Variants in FARSB observed in about 807,000 individuals in gnomAD.
FARSB encodes phenylalanyl-tRNA synthetase subunit beta.
In FARSB, 40 loss-of-function variants were observed where a neutral mutation model predicts 69.6. The ratio of observed to expected loss-of-function variants is 0.57; its 90% CI spans 0.45 to 0.75. The LOEUF (loss-of-function observed/expected upper bound fraction) is 0.75, where lower values mean the gene tolerates loss of function less well. Ranked by LOEUF, FARSB falls within the 30% of genes least tolerant of loss-of-function variation. The pLI, the probability that FARSB is intolerant of heterozygous loss-of-function variation, is 0.00. For missense variants in FARSB, 632 were observed against 722.9 expected (o/e 0.87, Z 1.44); for synonymous variants, 235 against 247.2 (o/e 0.95, Z 0.46).
intron 14 of FARSB, among the ~76,000 whole-genome samples, chr2:222,617,938 G>C (rs1444304601): frequency 6.6e-6 from 1 of 152,102 alleles, no homozygotes; most frequent in Non-Finnish European, 1.5e-5. Flanking sequence ...AGCTAGATAA[G>C]TAAAACTGGG....
Position 222,584,576 on chromosome 2 carries a change from A to C in FARSB, c.1619-12554T>G, listed in dbSNP as rs1690058558. ...ACCCAGTAAGCACAAGGGGTCGGGG[A>C]ATTCCCTTTCCTAGCCAAGGGATGC... On this transcript the variant is annotated intron_variant, in intron 16 of 16. Coordinates refer to ENST00000281828, the MANE Select transcript of FARSB (RefSeq NM_005687.5). 2.0e-5 allele frequency among the ~76,000 whole-genome samples: 3 copies of C among 152,212 alleles called. No homozygotes were observed. The South Asian group carries it at 6.2e-4, about 32-fold the overall frequency.
intron 5 of FARSB, among the ~76,000 whole-genome samples, chr2:222,635,502 C>T (rs183189397): frequency 6.6e-5 from 10 of 152,258 alleles, no homozygotes; most frequent in Admixed American, 1.3e-4. Context: ...CATATGCTTA[C>T]AGAAGATAAT....
At chr2:222,576,700 C>T (rs1689848791) in intron 16 of FARSB, among the ~76,000 whole-genome samples, 1 of 152,066 alleles carries the variant, frequency 6.6e-6, no homozygotes, top group East Asian at 1.9e-4. Context: ...GTGTTCCATA[C>T]TGGGGTGAAA....
At chr2:222,575,977 CT>C (rs34794440) in intron 16 of FARSB, among the ~76,000 whole-genome samples, 45,927 of 142,946 alleles carry the variant, frequency 0.32, 7,187 homozygotes, top group Middle Eastern at 0.46. Context: ...TTTGCCTCAT[CT>C]TTTTTTTTTT....
At chr2:222,574,369 A>G (rs1205006390) in intron 16 of FARSB, among the ~76,000 whole-genome samples, 1 of 152,218 alleles carries the variant, frequency 6.6e-6, no homozygotes, top group Non-Finnish European at 1.5e-5. Context: ...TTTAAAACAT[A>G]TCCAAGCATA....
chr2:222,595,881 AC>A (rs1203757732), intron 16 of FARSB, among the ~76,000 whole-genome samples: 2 of 152,034 alleles, frequency 1.3e-5, no homozygotes, highest in African/African-American at 4.8e-5. Flanking sequence ...GCAACAAACC[AC>A]AAAAAATGAA....
At chr2:222,614,805 C>G (rs1690954349) in intron 14 of FARSB, among the ~76,000 whole-genome samples, 1 of 152,140 alleles carries the variant, frequency 6.6e-6, no homozygotes, top group African/African-American at 2.4e-5. Context: ...TACCACTGCT[C>G]TCCAGCCTAG....
intron 12 of FARSB, among the ~76,000 whole-genome samples, chr2:222,624,002 G>T (rs947091630): frequency 1.3e-5 from 2 of 151,836 alleles, no homozygotes; most frequent in Non-Finnish European, 1.5e-5. Flanking sequence ...CTGCCTTCAG[G>T]CCCAAGTTGA....
At chr2:222,639,747 A>G (rs766050068) in intron 4 of FARSB, 52 bp from the exon 5 acceptor site, 6 of 730,452 alleles carry the variant, frequency 8.2e-6, no homozygotes, top group Admixed American at 5.2e-5. Flanking sequence ...TTTTCTTTGT[A>G]ATATCTTGTA....
At chr2:222,591,064 G>T (rs1175056204) in intron 16 of FARSB, among the ~76,000 whole-genome samples, 1 of 151,898 alleles carries the variant, frequency 6.6e-6, no homozygotes, top group Non-Finnish European at 1.5e-5. Flanking sequence ...GAATTAGCTG[G>T]GTGTGGTAGT....
chr2:222,619,577 A>T, intron 14 of FARSB, 68 bp downstream of exon 14: 3 of 752,684 alleles, frequency 4.0e-6, no homozygotes. Context: ...ATAACTGAAG[A>T]GACTTTTCCT....
chr2:222,653,106 G>A (rs968997351), intron 1 of FARSB, among the ~76,000 whole-genome samples: 2 of 152,122 alleles, frequency 1.3e-5, no homozygotes, highest in East Asian at 3.9e-4. Context: ...GACTATAATT[G>A]AAGAGCAGTG....
At chr2:222,603,685 T>TAATTA in intron 15 of FARSB, among the ~76,000 whole-genome samples, 3 of 75,928 alleles carry the variant, frequency 4.0e-5, no homozygotes, top group Non-Finnish European at 1.2e-4. Context: ...TATTATATTA[T>TAATTA]ATATTATTAT....
rs1559185068 is a variant in FARSB at position 222,571,929 on chromosome 2, T to G, written c.1712A>C (p.Lys571Thr). 1 of 1,613,484 alleles carries G rather than the reference T, an allele frequency of 6.2e-7. No homozygotes were observed. Among genetic ancestry groups the G allele is most frequent in the Non-Finnish European group, 8.5e-7 (1 of 1,179,814 alleles). The stretch of plus-strand genomic sequence containing the variant: ...GGAGCAGGGCATGGTCAGCTCAAAT[T>G]TGGTGATAACGTCAGGATGAAGGAC... ...LGVLHPDVIT[K>T]FELTMPCSSL... Residue 571 changes from lysine to threonine, a missense_variant, in exon 17 of 17, where the codon AAA becomes ACA. Physicochemically the swap from Lys to Thr is moderately conservative, Grantham distance 78 (BLOSUM62 -1). Transcript: ENST00000281828.
chr2:222,646,829 G>A (rs1336630383), intron 2 of FARSB, among the ~76,000 whole-genome samples: 1 of 152,142 alleles, frequency 6.6e-6, no homozygotes, highest in East Asian at 1.9e-4. Flanking sequence ...TGATTTTCTG[G>A]TTTGTATAGT....
chr2:222,594,218 G>A (rs1222556978), intron 16 of FARSB, among the ~76,000 whole-genome samples: 2 of 151,572 alleles, frequency 1.3e-5, no homozygotes, highest in African/African-American at 2.4e-5. Flanking sequence ...ACTCTAGCCT[G>A]GGCAACACAG....
At chr2:222,625,984 C>T (rs901575426) in intron 10 of FARSB, among the ~76,000 whole-genome samples, 1 of 151,960 alleles carries the variant, frequency 6.6e-6, no homozygotes, top group African/African-American at 2.4e-5. Flanking sequence ...TGGTGGCTCA[C>T]GCCTGTAATC....
intron 1 of FARSB, among the ~76,000 whole-genome samples, chr2:222,654,108 G>A (rs549573673): frequency 2.0e-5 from 3 of 152,224 alleles, no homozygotes; most frequent in South Asian, 2.1e-4. Context: ...AATGGAGACT[G>A]GGATGGGAAC....
chr2:222,626,619 C>A (rs1237493510), intron 10 of FARSB, among the ~76,000 whole-genome samples: 3 of 152,150 alleles, frequency 2.0e-5, no homozygotes, highest in Non-Finnish European at 4.4e-5. Context: ...CTCTATATTA[C>A]AAATAAATGA....
Sources: gnomAD v4.1 joint callset for allele counts (sites outside exome capture counted in the v4.1 genomes callset) on GRCh38, gnomAD v4.1.1 for gene constraint, MANE v1.5 for transcripts, NCBI Gene and HGNC (gene_info 2026-07-23, HGNC 2026-07-21) for gene names.